SORCS3: variants seen among roughly 807,000 people sequenced by gnomAD.
The protein encoded by SORCS3 is VPS10 domain-containing receptor SorCS3.
A neutral mutation model predicts 146.3 loss-of-function variants in SORCS3; 57 were observed. That is an observed-to-expected ratio of 0.39 (90% CI 0.31 to 0.49). The LOEUF (loss-of-function observed/expected upper bound fraction) is 0.49, where lower values mean the gene tolerates loss of function less well. Ranked by LOEUF, SORCS3 falls within the 20% of genes least tolerant of loss-of-function variation. The pLI is 0.92. For missense variants in SORCS3, 1,341 were observed against 1,575.5 expected (o/e 0.85, Z 2.52); for synonymous variants, 653 against 618.5 (o/e 1.06, Z -0.83).
intron 1 of SORCS3, among the ~76,000 whole-genome samples, chr10:104,739,901 T>C (rs1422221435): frequency 1.3e-5 from 2 of 152,232 alleles, no homozygotes; most frequent in East Asian, 3.8e-4. Flanking sequence ...TTTCAGGTTC[T>C]GTGTGTATTC....
At chr10:105,118,863 A>T (rs2055911411) in intron 7 of SORCS3, among the ~76,000 whole-genome samples, 2 of 152,326 alleles carry the variant, frequency 1.3e-5, no homozygotes, top group Non-Finnish European at 2.9e-5. Flanking sequence ...GAGAAAGCAG[A>T]TCATAAAAGT....
At chr10:104,731,017 G>T (rs779793113) in intron 1 of SORCS3, among the ~76,000 whole-genome samples, 1 of 152,222 alleles carries the variant, frequency 6.6e-6, no homozygotes, top group Non-Finnish European at 1.5e-5. Context: ...GGGGGCCAAG[G>T]TTGAATTGGA....
chr10:105,178,284 G>T, intron 14 of SORCS3, 111 bp downstream of exon 14: 1 of 725,786 alleles, frequency 1.4e-6, no homozygotes, highest in Non-Finnish European at 2.2e-6. Context: ...TCCAATCTCT[G>T]GGCCAAAATT....
chr10:104,916,385 G>A (rs982911285), intron 3 of SORCS3, among the ~76,000 whole-genome samples: 3 of 152,106 alleles, frequency 2.0e-5, no homozygotes, highest in Non-Finnish European at 1.5e-5. Context: ...CTTACTCCAA[G>A]GGAGATTGTT....
At chr10:105,017,311 A>T (rs1315819270) in intron 4 of SORCS3, among the ~76,000 whole-genome samples, 1 of 152,160 alleles carries the variant, frequency 6.6e-6, no homozygotes, top group Non-Finnish European at 1.5e-5. Flanking sequence ...TAAGTGACTC[A>T]CAGGACTCCA....
intron 9 of SORCS3, among the ~76,000 whole-genome samples, chr10:105,153,308 G>C (rs181016078): frequency 6.6e-6 from 1 of 152,070 alleles, no homozygotes; most frequent in Non-Finnish European, 1.5e-5. Context: ...CTGTTTCTGA[G>C]CAGCATTCTG....
rs540517943 is a variant in SORCS3, at chr10:104,724,796, G to A, written c.627+82842G>A. 3.3e-4 allele frequency among the ~76,000 whole-genome samples: 51 copies of A among 152,276 alleles called. No homozygotes were observed. The East Asian group carries it at 3.7e-3, about 11-fold the overall frequency. ...CTACTGAGGCTTGTGCATTCATCAT[G>A]TAGTTCTCGTGCTGTGGTTTTCAGC... On this transcript the variant is annotated intron_variant, in intron 1 of 26. Coordinates refer to ENST00000369701, the MANE Select transcript of SORCS3 (RefSeq NM_014978.3).
chr10:105,089,668 CTT>C (rs1159565818), intron 5 of SORCS3, 105 bp from the exon 6 acceptor site: 19 of 853,960 alleles, frequency 2.2e-5, no homozygotes, highest in Non-Finnish European at 3.5e-5. Context: ...GGATGGTCCT[CTT>C]TGAGAAAATG....
chr10:105,113,738 A>G (rs956462268), intron 7 of SORCS3, among the ~76,000 whole-genome samples: 1 of 152,176 alleles, frequency 6.6e-6, no homozygotes, highest in Admixed American at 6.5e-5. Flanking sequence ...TGAGCTGGAG[A>G]TATACAGAAA....
At chr10:105,202,640 T>C (rs1025692601) in intron 16 of SORCS3, among the ~76,000 whole-genome samples, 1 of 152,202 alleles carries the variant, frequency 6.6e-6, no homozygotes, top group Non-Finnish European at 1.5e-5. Flanking sequence ...GTGCTGGGAA[T>C]GCAGGAGTTT....
intron 7 of SORCS3, among the ~76,000 whole-genome samples, chr10:105,117,573 A>G (rs1217384218): frequency 6.6e-6 from 1 of 152,178 alleles, no homozygotes; most frequent in African/African-American, 2.4e-5. Flanking sequence ...CAATATTTAA[A>G]TATTTTTAAA....
chr10:105,193,572 A>G (rs368329691), intron 14 of SORCS3, among the ~76,000 whole-genome samples: 25 of 152,118 alleles, frequency 1.6e-4, no homozygotes, highest in African/African-American at 6.0e-4. Context: ...AAGAAAATAA[A>G]CTCTTAGAAA....
At chr10:105,097,181 T>C (rs567226298) in intron 6 of SORCS3, among the ~76,000 whole-genome samples, 2 of 152,328 alleles carry the variant, frequency 1.3e-5, no homozygotes, top group East Asian at 3.9e-4. Flanking sequence ...TTCTTGTTTA[T>C]ATATCGGAAT....
intron 1 of SORCS3, among the ~76,000 whole-genome samples, chr10:104,735,334 G>A (rs2016754859): frequency 6.6e-6 from 1 of 152,078 alleles, no homozygotes; most frequent in African/African-American, 2.4e-5. Context: ...TGGCTTTTGA[G>A]AGCTGCCCCC....
At chr10:104,953,315 C>A (rs1297500693) in intron 3 of SORCS3, among the ~76,000 whole-genome samples, 1 of 152,172 alleles carries the variant, frequency 6.6e-6, no homozygotes, top group East Asian at 1.9e-4. Flanking sequence ...TGATGGGGGG[C>A]TACCAGGCAC....
At chr10:104,688,157 C>T (rs921968627) in intron 1 of SORCS3, among the ~76,000 whole-genome samples, 5 of 152,240 alleles carry the variant, frequency 3.3e-5, no homozygotes, top group Non-Finnish European at 7.3e-5. Context: ...CTCCCAGAAG[C>T]GGGTCTGGAT....
chr10:104,829,619 A>T (rs1009507038), intron 1 of SORCS3, among the ~76,000 whole-genome samples: 8 of 152,168 alleles, frequency 5.3e-5, no homozygotes, highest in Admixed American at 1.3e-4. Context: ...TTCTAAAGGC[A>T]GTGAGAAGCC....
chr10:104,721,794 A>T (rs867695805), intron 1 of SORCS3, among the ~76,000 whole-genome samples: 9 of 152,082 alleles, frequency 5.9e-5, no homozygotes, highest in African/African-American at 2.2e-4. Context: ...TTATTGGTGT[A>T]TAAGAATGCT....
intron 2 of SORCS3, among the ~76,000 whole-genome samples, chr10:104,863,941 G>A (rs926828232): frequency 6.6e-6 from 1 of 152,224 alleles, no homozygotes; most frequent in East Asian, 1.9e-4. Context: ...GCAGTTGCCA[G>A]ATTGCCTATC....
Sources: allele counts gnomAD v4.1 joint callset (sites outside exome capture counted in the v4.1 genomes callset), GRCh38; gene constraint gnomAD v4.1.1; transcripts MANE v1.5; gene names NCBI Gene and HGNC (gene_info 2026-07-23, HGNC 2026-07-21).